Variants in LINGO1 observed in about 807,000 individuals in gnomAD.
LINGO1 encodes the protein leucine-rich repeat and immunoglobulin-like domain-containing nogo receptor-interacting protein 1.
A neutral mutation model predicts 37.3 loss-of-function variants in LINGO1; 11 were observed. The ratio of observed to expected loss-of-function variants is 0.29; its 90% CI spans 0.19 to 0.49. The LOEUF (loss-of-function observed/expected upper bound fraction) is 0.49, where lower values mean the gene tolerates loss of function less well. Among genes scored for constraint, LINGO1 ranks in the 20% least tolerant of loss-of-function variants. LINGO1 has a pLI of 0.99. For synonymous variants in LINGO1, 387 were observed against 403.0 expected (o/e 0.96, Z 0.48); for missense variants, 585 against 878.2 (o/e 0.67, Z 4.22).
chr15:77,802,435 G>T (rs1363525964), intron 1 of LINGO1, among the ~76,000 whole-genome samples: 1 of 152,068 alleles, frequency 6.6e-6, no homozygotes, highest in African/African-American at 2.4e-5. Context: ...GTGTGTGTTT[G>T]TGTGTATGTT....
At chr15:77,692,259 A>G (rs981561183) in intron 1 of LINGO1, among the ~76,000 whole-genome samples, 1 of 152,238 alleles carries the variant, frequency 6.6e-6, no homozygotes, top group Non-Finnish European at 1.5e-5. Context: ...GATTACCTCT[A>G]TGGTTTGGAT....
intron 1 of LINGO1, among the ~76,000 whole-genome samples, chr15:77,813,891 C>G (rs2077027463): frequency 6.6e-6 from 1 of 152,226 alleles, no homozygotes; most frequent in Non-Finnish European, 1.5e-5. Flanking sequence ...GCGCCCTCCC[C>G]ACCCTGCCCC....
chr15:77,685,418 A>G (rs151107604), intron 2 of LINGO1, among the ~76,000 whole-genome samples: 19 of 152,292 alleles, frequency 1.2e-4, no homozygotes, highest in Admixed American at 3.9e-4. Context: ...TTATGGCACC[A>G]GGAACCCAGG....
chr15:77,803,294 T>C (rs1162026005), intron 1 of LINGO1, among the ~76,000 whole-genome samples: 4 of 152,058 alleles, frequency 2.6e-5, no homozygotes, highest in Non-Finnish European at 4.4e-5. Context: ...ACAAATGTTA[T>C]AGACTGAGCC....
In LINGO1 at chr15:77,661,320, A is replaced by G. The variant is rs181627596; in HGVS notation, c.-13+15769T>C. Among the ~76,000 whole-genome samples the G allele has an allele frequency of 2.3e-3, 344 of 152,306 alleles. 3 individuals are homozygous for G. The highest frequency in any genetic ancestry group is 7.9e-3 in the African/African-American group (329 of 41,568). On this transcript the variant is annotated intron_variant, in intron 3 of 3. Coordinates refer to the LINGO1 transcript ENST00000559893. ...CTTGCAGAAGAAGTTCTTGGACAGC[A>G]TGGGAACAAACAGGGAAGGCTGGGA...
chr15:77,787,579 G>T (rs1383688379), upstream of LINGO1, among the ~76,000 whole-genome samples: 1 of 151,414 alleles, frequency 6.6e-6, no homozygotes, highest in Admixed American at 6.6e-5. Flanking sequence ...GGGGGTGGGG[G>T]TGGGAACAGT....
At chr15:77,792,131 C>G (rs2076823006) in intron 2 of LINGO1, among the ~76,000 whole-genome samples, 1 of 152,204 alleles carries the variant, frequency 6.6e-6, no homozygotes, top group Non-Finnish European at 1.5e-5. Flanking sequence ...TCAAACACTT[C>G]CAAGCAGGAT....
At chr15:77,767,376 G>T (rs2076540919) in intron 1 of LINGO1, among the ~76,000 whole-genome samples, 1 of 152,184 alleles carries the variant, frequency 6.6e-6, no homozygotes, top group Admixed American at 6.5e-5. Flanking sequence ...ATTCAGGAAA[G>T]AATGAAGAAG....
intron 3 of LINGO1, among the ~76,000 whole-genome samples, chr15:77,659,048 G>C (rs993570765): frequency 6.6e-6 from 1 of 152,202 alleles, no homozygotes; most frequent in Non-Finnish European, 1.5e-5. Flanking sequence ...GGAGCCCTGG[G>C]GGCAAGGGCA....
At chr15:77,796,677 T>A (rs1046391897) in intron 1 of LINGO1, among the ~76,000 whole-genome samples, 1 of 148,974 alleles carries the variant, frequency 6.7e-6, no homozygotes, top group African/African-American at 2.5e-5. Flanking sequence ...CCAACCCCCA[T>A]CTACTCACCC....
At chr15:77,691,150 A>G (rs2075596424) in intron 1 of LINGO1, among the ~76,000 whole-genome samples, 1 of 152,222 alleles carries the variant, frequency 6.6e-6, no homozygotes, top group Non-Finnish European at 1.5e-5. Context: ...TGATAAAAAA[A>G]CTGATTTTTA....
chr15:77,702,107 G>A (rs974923472), intron 2 of LINGO1, among the ~76,000 whole-genome samples: 2 of 152,158 alleles, frequency 1.3e-5, no homozygotes, highest in African/African-American at 4.8e-5. Context: ...GGTGCTCCAA[G>A]GTGTTTAGTT....
At chr15:77,688,224 G>A (rs914933269) in intron 2 of LINGO1, among the ~76,000 whole-genome samples, 11 of 152,170 alleles carry the variant, frequency 7.2e-5, no homozygotes, top group African/African-American at 2.4e-4. Context: ...ACCTGCCCCC[G>A]AGCCTCCCAA....
At chr15:77,745,523 G>A (rs1014624239) in intron 1 of LINGO1, among the ~76,000 whole-genome samples, 6 of 152,030 alleles carry the variant, frequency 3.9e-5, no homozygotes, top group African/African-American at 1.2e-4. Context: ...CCAACCTGGC[G>A]GCTCTGCCCA....
intron 1 of LINGO1, among the ~76,000 whole-genome samples, chr15:77,806,821 C>G (rs1166542160): frequency 6.6e-6 from 1 of 152,080 alleles, no homozygotes; most frequent in African/African-American, 2.4e-5. Context: ...ATCCTCCCAT[C>G]TCCCCCCAGG....
intron 1 of LINGO1, among the ~76,000 whole-genome samples, chr15:77,797,799 A>G (rs1266996367): frequency 6.6e-6 from 1 of 152,224 alleles, no homozygotes; most frequent in Non-Finnish European, 1.5e-5. Flanking sequence ...GGTGACAGCT[A>G]TAATGTGGGC....
intron 1 of LINGO1, among the ~76,000 whole-genome samples, chr15:77,775,150 C>A (rs1338141016): frequency 6.6e-6 from 1 of 152,176 alleles, no homozygotes; most frequent in African/African-American, 2.4e-5. Context: ...CTCCAACCCG[C>A]CCCTTTCTCC....
At chr15:77,730,978 C>T (rs1417956976) in intron 2 of LINGO1, among the ~76,000 whole-genome samples, 2 of 152,258 alleles carry the variant, frequency 1.3e-5, no homozygotes, top group Non-Finnish European at 2.9e-5. Flanking sequence ...CAGAATCCTG[C>T]CCCACAACTG....
At chr15:77,738,828 G>A (rs561177064) in intron 1 of LINGO1, among the ~76,000 whole-genome samples, 34 of 152,246 alleles carry the variant, frequency 2.2e-4, no homozygotes, top group Middle Eastern at 3.4e-3. Context: ...AGGAAGGAAG[G>A]AAGGGGCACA....
Sources: gnomAD v4.1 joint callset for allele counts (sites outside exome capture counted in the v4.1 genomes callset) on GRCh38, gnomAD v4.1.1 for gene constraint, MANE v1.5 for transcripts, NCBI Gene and HGNC (gene_info 2026-07-23, HGNC 2026-07-21) for gene names.